PITX1: variants seen among roughly 807,000 people sequenced by gnomAD.
PITX1 encodes the protein pituitary homeobox 1.
In PITX1, 5 loss-of-function variants were observed where a neutral mutation model predicts 24.1. The observed-to-expected ratio is 0.21, with a 90% CI of 0.11 to 0.44. The LOEUF is 0.44. Among genes scored for constraint, PITX1 ranks in the 20% least tolerant of loss-of-function variants. PITX1 has a pLI of 0.99. For synonymous variants in PITX1, 213 were observed against 208.9 expected (o/e 1.02, Z -0.17); for missense variants, 401 against 455.4 (o/e 0.88, Z 1.09).
In PITX1 at chr5:135,028,687, G is replaced by T; in HGVS notation, c.*92C>A. 1.1e-6 allele frequency: 1 copy of T among 890,760 alleles called. No homozygotes were observed. The highest frequency in any genetic ancestry group is 1.5e-6 in the Non-Finnish European group (1 of 681,412). 55.2% of individuals were successfully genotyped at this position (890,760 alleles called of 1,614,324 possible). A position where few individuals can be genotyped will look rare whatever the true frequency, so the allele number is the denominator to read the frequency against. ...GAGGTCCGCGGCGCGGTGAGCTGGG[G>T]CTTGCGAGCCGGGGCCCCGCGTGCG... On this transcript the variant is annotated 3_prime_UTR_variant, in exon 3 of 3. Coordinates refer to ENST00000265340, the MANE Select transcript of PITX1 (RefSeq NM_002653.5).
chr5:135,032,030 C>T lies in PITX1; in HGVS notation c.170-522G>A, dbSNP rs146166937. ...GCCTCCAGTCCCAAAGCCTAGAAAACCCCACCAACTGCAGCCCAGACAGAC... is the reference window on the plus strand; with the variant it reads ...GCCTCCAGTCCCAAAGCCTAGAAAATCCCACCAACTGCAGCCCAGACAGAC... On this transcript the variant is annotated intron_variant, in intron 1 of 2. Coordinates refer to ENST00000265340, the MANE Select transcript of PITX1 (RefSeq NM_002653.5). 225 of 155,726 alleles carry T rather than the reference C, an allele frequency of 1.4e-3. 8 individuals are homozygous for T. In the East Asian group the frequency reaches 0.031, roughly 22 times the overall value. 9.6% of individuals were successfully genotyped at this position (155,726 alleles called of 1,614,324 possible). A position where few individuals can be genotyped will look rare whatever the true frequency, so the allele number is the denominator to read the frequency against.
chr5:135,028,759 C>G lies in PITX1; in HGVS notation c.*20G>C, dbSNP rs1342398932. On this transcript the variant is annotated 3_prime_UTR_variant, in exon 3 of 3. Transcript: ENST00000265340. Reference sequence around the variant, plus strand: ...CCCTTCCCCGCTCCGGCCGCCGGCCCGCGTGGTGCGGCGGGGCGGTCAGCT... The same window carrying G: ...CCCTTCCCCGCTCCGGCCGCCGGCCGGCGTGGTGCGGCGGGGCGGTCAGCT... The G allele has an allele frequency of 1.3e-6, 2 of 1,550,500 alleles. No individual in the cohort carries two copies. The highest frequency in any genetic ancestry group is 1.4e-5 in the African/African-American group (1 of 72,998).
rs1752385517 is a variant in PITX1, at chr5:135,028,413, G to C, written c.*366C>G. 2 of 155,104 alleles carry C rather than the reference G, an allele frequency of 1.3e-5. No individual in the cohort carries two copies. Among genetic ancestry groups the C allele is most frequent in the South Asian group, 4.1e-4 (2 of 4,872 alleles). The allele number at this position is 155,104 out of a possible 1,614,324, so 9.6% of individuals were successfully genotyped here. A position where few individuals can be genotyped will look rare whatever the true frequency, so the allele number is the denominator to read the frequency against. On this transcript the variant is annotated 3_prime_UTR_variant, in exon 3 of 3. Transcript: ENST00000265340. ...CCTCCCCCGGCCGCTGGGCCTCGGC[G>C]CTCGCCTACCGCGCCGCGTGCCCTC...
intron 2 of PITX1, among the ~76,000 whole-genome samples, chr5:135,029,897 T>G (rs963548602): frequency 1.3e-5 from 2 of 152,302 alleles, no homozygotes; most frequent in African/African-American, 4.8e-5. Flanking sequence ...TTATCCCCCA[T>G]TTTTGATCCT....
At chr5:135,030,167 C>G (rs1401887354) in intron 2 of PITX1, among the ~76,000 whole-genome samples, 3 of 152,172 alleles carry the variant, frequency 2.0e-5, no homozygotes, top group Admixed American at 2.0e-4. Flanking sequence ...AGTCCTCCCC[C>G]ATCCTTACCT....
chr5:135,030,376 C>T (rs1670803511), intron 2 of PITX1, among the ~76,000 whole-genome samples: 1 of 152,224 alleles, frequency 6.6e-6, no homozygotes, highest in South Asian at 2.1e-4. Context: ...AGTGCTGTGT[C>T]TTCATTCCAA....
intron 2 of PITX1, among the ~76,000 whole-genome samples, chr5:135,029,605 T>C (rs1278712483): frequency 6.6e-6 from 1 of 152,236 alleles, no homozygotes; most frequent in Non-Finnish European, 1.5e-5. Flanking sequence ...TTTCTTCCTC[T>C]CTCAACCAGT....
At position 135,031,644 on chromosome 5, in the gene PITX1, C is replaced by T. The variant is rs537831533; in HGVS notation, c.170-136G>A. ...TCCCTCTAGGGTTCCTGGGAACTGT[C>T]CCCACTGGAAAGCGCCCGCCGGGTG... On this transcript the variant is annotated intron_variant, in intron 1 of 2. Transcript: ENST00000265340. The T allele has an allele frequency of 9.7e-6, 7 of 721,460 alleles. No individual in the cohort carries two copies. The East Asian group carries it at 1.9e-4, about 20-fold the overall frequency. 44.7% of individuals were successfully genotyped at this position (721,460 alleles called of 1,614,324 possible). A position where few individuals can be genotyped will look rare whatever the true frequency, so the allele number is the denominator to read the frequency against.
chr5:135,033,772 G>GCGGGC lies in PITX1; in HGVS notation c.105_109dup (p.Ala37GlyfsTer70). 6.3e-7 allele frequency: 1 copy of GCGGGC among 1,588,544 alleles called. No homozygotes were observed. The highest frequency in any genetic ancestry group is 8.5e-7 in the Non-Finnish European group (1 of 1,174,550). On this transcript the variant is annotated frameshift_variant, in exon 1 of 3. Coordinates refer to ENST00000265340, the MANE Select transcript of PITX1 (RefSeq NM_002653.5). LOFTEE classifies it high-confidence loss of function. The surrounding 1 kb of genome is among the most constrained non-coding windows in gnomAD (Gnocchi z 5.9). ...GTTCTCGAGCGGCTCGCGGGGGTCG[G>GCGGGC]CGGGCCGGGCCAGGTGGAAGGCGGG...
Position 135,027,963 on chromosome 5 carries a change from C to T in PITX1, c.*816G>A, listed in dbSNP as rs1277012568. The T allele has an allele frequency of 1.3e-5, 2 of 152,634 alleles. No homozygotes were observed. The highest frequency in any genetic ancestry group is 2.9e-5 in the Non-Finnish European group (2 of 68,100). The allele number at this position is 152,634 out of a possible 1,614,324, so 9.5% of individuals were successfully genotyped here. On this transcript the variant is annotated 3_prime_UTR_variant, in exon 3 of 3. Transcript: ENST00000265340. ...GGGGCTGTTCGCCCAGACAGAGGGC[C>T]ACCTCCTAGCCCGGGAGCAGAGCAG...
At position 135,031,478 on chromosome 5, in the gene PITX1, G is replaced by A. The variant is rs1301233293; in HGVS notation, c.200C>T (p.Pro67Leu). The A allele has an allele frequency of 1.2e-6, 2 of 1,612,996 alleles. No individual in the cohort carries two copies. Among genetic ancestry groups the A allele is most frequent in the African/African-American group, 1.3e-5 (1 of 74,920 alleles). The change falls in exon 2 of 3, where the codon CCC (proline) becomes CTC (leucine). Residue 67 changes from proline (P) to leucine (L), a missense_variant. Around this residue, in one of 3 missense-constraint regions of PITX1, gnomAD observed 136 missense variants for 133.3 expected, o/e 1.02. Transcript: ENST00000265340. ...EKERGGEPKG[P>L]EDSGAGGTGC... ...CGTGCCTCCCGCACCACTGTCCTCGGGCCCCTTGGGTTCCCCGCCGCGCTC... is the reference window on the plus strand; with the variant it reads ...CGTGCCTCCCGCACCACTGTCCTCGAGCCCCTTGGGTTCCCCGCCGCGCTC...
chr5:135,031,776 T>C, intron 1 of PITX1: 2 of 571,328 alleles, frequency 3.5e-6, no homozygotes, highest in South Asian at 4.5e-5. Context: ...CCTGCACCCT[T>C]AGCTCGGCTC....
Position 135,031,267 on chromosome 5 carries a change from C to G in PITX1, c.402+9G>C. 1 of 1,613,064 alleles carries G rather than the reference C, an allele frequency of 6.2e-7. No homozygotes were observed. The highest frequency in any genetic ancestry group is 8.5e-7 in the Non-Finnish European group (1 of 1,179,090). ...CGCGGGTGCCCTTAGGCGCGCACCC[C>G]TTGCTCACCCGCACGCGCGGCTCGG... On this transcript the variant is annotated intron_variant, in intron 2 of 2. Transcript: ENST00000265340.
intron 1 of PITX1, among the ~76,000 whole-genome samples, chr5:135,032,420 C>T (rs1046299386): frequency 2.6e-5 from 4 of 152,094 alleles, no homozygotes; most frequent in Admixed American, 2.0e-4. Context: ...CCAATAAGGC[C>T]CTTGTAGAGA....
intron 2 of PITX1, 57 bp downstream of exon 2, chr5:135,031,219 A>T (rs945841103): frequency 3.7e-6 from 5 of 1,341,424 alleles, no homozygotes; most frequent in Non-Finnish European, 4.3e-6. Context: ...GGGCTGCAGC[A>T]GAGGCGGCCC....
upstream of PITX1, chr5:135,034,307 GGCTGGGGAGGGA>G (rs1435073003): frequency 6.6e-6 from 1 of 151,674 alleles, no homozygotes; most frequent in Non-Finnish European, 1.5e-5. Flanking sequence ...GGTGGGAGGG[GGCTGGGGAGGGA>G]GCGAGCGAGC....
rs1354499114 is a variant in PITX1 at position 135,029,327 on chromosome 5, G to A, written c.403-6C>T. 5 of 1,582,636 alleles carry A rather than the reference G, an allele frequency of 3.2e-6. No individual in the cohort carries two copies. The highest frequency in any genetic ancestry group is 4.3e-6 in the Non-Finnish European group (5 of 1,163,848). ...CGCCGGTTCTTGAACCAGACCTGGGGGAGGGGACGGGAGAAGGGTCAGGGC... is the reference window on the plus strand; with the variant it reads ...CGCCGGTTCTTGAACCAGACCTGGGAGAGGGGACGGGAGAAGGGTCAGGGC... On this transcript the variant is annotated splice_region_variant and splice_polypyrimidine_tract_variant and intron_variant, in intron 2 of 2. Transcript: ENST00000265340.
chr5:135,030,844 C>T (rs996495668), intron 2 of PITX1, among the ~76,000 whole-genome samples: 6 of 152,210 alleles, frequency 3.9e-5, no homozygotes, highest in Non-Finnish European at 5.9e-5. Context: ...CAGGCTTCTC[C>T]GAGGCAGCCA....
At chr5:135,032,022 C>T in intron 1 of PITX1, 1 of 156,166 alleles carries the variant, frequency 6.4e-6, no homozygotes, top group East Asian at 1.9e-4. Context: ...GTCCCAAAGC[C>T]TAGAAAACCC....
Sources: gnomAD v4.1 joint callset for allele counts (sites outside exome capture counted in the v4.1 genomes callset) on GRCh38, gnomAD v4.1.1 for gene constraint, gnomAD v4.1.1 regional missense constraint, Gnocchi (gnomAD v3.1) non-coding constraint, MANE v1.5 for transcripts, NCBI Gene and HGNC (gene_info 2026-07-23, HGNC 2026-07-21) for gene names.